Variants in CHD7 observed in about 807,000 individuals in gnomAD.
CHD7 encodes the protein ATP-dependent chromatin remodeler CHD7.
CHD7 carries 24 observed loss-of-function variants against 307.3 expected under a neutral mutation model. The observed-to-expected ratio is 0.08, with a 90% CI of 0.06 to 0.11. CHD7 has a LOEUF of 0.11. CHD7 is among the 10% of genes least tolerant of loss of function. The pLI is 1.00. For missense variants in CHD7, 3,106 were observed against 3,727.1 expected, an observed-to-expected ratio of 0.83 and a Z score of 4.34; for synonymous variants, 1,363 against 1,349.9, an observed-to-expected ratio of 1.01 and a Z score of -0.21.
intron 21 of CHD7, among the ~76,000 whole-genome samples, chr8:60,844,201 G>A (rs528469870): frequency 1.3e-5 from 2 of 152,316 alleles, no homozygotes; most frequent in South Asian, 4.1e-4. Context: ...CACAAAACAG[G>A]CAGTCAGTCC....
chr8:60,759,336 A>T (rs1057499520), intron 2 of CHD7, among the ~76,000 whole-genome samples: 2 of 151,924 alleles, frequency 1.3e-5, no homozygotes, highest in Admixed American at 6.6e-5. Context: ...TTTTGCTCTT[A>T]AGCAAACCTA....
intron 28 of CHD7, among the ~76,000 whole-genome samples, 172 bp downstream of exon 28, chr8:60,851,491 C>T (rs41265250): frequency 6.6e-6 from 1 of 152,158 alleles, no homozygotes; most frequent in Admixed American, 6.5e-5. Context: ...GTTTTCATGA[C>T]ATTGAATTTC....
At chr8:60,740,466 G>A (rs1287385468) in intron 1 of CHD7, among the ~76,000 whole-genome samples, 2 of 152,210 alleles carry the variant, frequency 1.3e-5, no homozygotes, top group Non-Finnish European at 2.9e-5. Context: ...TGGTGATTGG[G>A]CTGCTCTGTG....
intron 16 of CHD7, 62 bp from the exon 17 acceptor site, chr8:60,836,755 A>C: frequency 8.1e-7 from 1 of 1,227,784 alleles, no homozygotes; most frequent in Non-Finnish European, 1.2e-6. Context: ...AAAAATTAAA[A>C]AAAGGAGCAA....
intron 1 of CHD7, among the ~76,000 whole-genome samples, chr8:60,718,548 T>C (rs913406326): frequency 6.6e-6 from 1 of 151,948 alleles, no homozygotes; most frequent in Non-Finnish European, 1.5e-5. Flanking sequence ...ATGAAAAAGC[T>C]TTTGGAATAA....
chr8:60,833,182 G>A (rs112469147), intron 15 of CHD7, among the ~76,000 whole-genome samples: 2,217 of 152,266 alleles, frequency 0.015, 35 homozygotes, highest in Non-Finnish European at 0.019. Flanking sequence ...ATTGGTTGTG[G>A]CAGAGTAAAG....
At position 60,866,689 on chromosome 8, in the gene CHD7, T is replaced by A. The variant is rs1181648348; in HGVS notation, c.*756T>A. 1 of 152,662 alleles carries A rather than the reference T, an allele frequency of 6.6e-6. No individual in the cohort carries two copies. Among genetic ancestry groups the A allele is most frequent in the Non-Finnish European group, 1.5e-5 (1 of 68,056 alleles). 9.5% of individuals were successfully genotyped at this position (152,662 alleles called of 1,614,324 possible). Reference sequence around the variant, plus strand: ...GTACCTTTTTTAAATTAAAGGACTTTGTTACTTTAGCCACAAAGCTAAAAC... The same window carrying A: ...GTACCTTTTTTAAATTAAAGGACTTAGTTACTTTAGCCACAAAGCTAAAAC... On this transcript the variant is annotated 3_prime_UTR_variant, in exon 38 of 38. Transcript: ENST00000423902.
At chr8:60,724,880 G>A (rs1018637183) in intron 1 of CHD7, among the ~76,000 whole-genome samples, 2 of 152,148 alleles carry the variant, frequency 1.3e-5, no homozygotes, top group Admixed American at 6.5e-5. Flanking sequence ...GAAATAGATG[G>A]CCCAGGGCTA....
rs6985168 is a variant in CHD7, at chr8:60,867,730, C to T, written c.*1797C>T. ...ACTGTGAGATTCAGTTCGTTTATGC[C>T]CCAAGATGAAAATATGCCCCTTAAT... On this transcript the variant is annotated 3_prime_UTR_variant, in exon 38 of 38. Coordinates refer to ENST00000423902, the MANE Select transcript of CHD7 (RefSeq NM_017780.4). 0.47 allele frequency: 71,296 copies of T among 151,954 alleles called. 20,228 individuals carry two copies. The highest frequency in any genetic ancestry group is 0.74 in the East Asian group (3,789 of 5,152). The allele number at this position is 151,954 out of a possible 1,614,324, so 9.4% of individuals were successfully genotyped here. A position where few individuals can be genotyped will look rare whatever the true frequency, so the allele number is the denominator to read the frequency against.
At chr8:60,748,421 C>T (rs1809442100) in intron 2 of CHD7, among the ~76,000 whole-genome samples, 1 of 152,148 alleles carries the variant, frequency 6.6e-6, no homozygotes, top group Non-Finnish European at 1.5e-5. Flanking sequence ...GTCCTGGGCC[C>T]ATGGCACTGG....
At chr8:60,690,974 G>T (rs1373245664) in intron 1 of CHD7, among the ~76,000 whole-genome samples, 2 of 152,136 alleles carry the variant, frequency 1.3e-5, no homozygotes, top group Non-Finnish European at 2.9e-5. Flanking sequence ...TCACAGGCTG[G>T]AGTGCAGTGG....
intron 1 of CHD7, among the ~76,000 whole-genome samples, chr8:60,720,556 C>T (rs953746123): frequency 1.3e-5 from 2 of 152,224 alleles, no homozygotes; most frequent in African/African-American, 4.8e-5. Flanking sequence ...AGCCTGTCCT[C>T]TGCACCATTG....
intron 2 of CHD7, among the ~76,000 whole-genome samples, chr8:60,765,286 C>G (rs201764958): frequency 6.9e-6 from 1 of 145,866 alleles, no homozygotes; most frequent in African/African-American, 2.5e-5. Context: ...CACACACACC[C>G]CACACACATA....
chr8:60,828,859 T>C, intron 14 of CHD7, 53 bp downstream of exon 14: 6 of 1,511,944 alleles, frequency 4.0e-6, no homozygotes, highest in East Asian at 2.3e-5. Flanking sequence ...GATTAGCCCA[T>C]GAAATGGCAA....
At chr8:60,819,497 C>A (rs1182805636) in intron 8 of CHD7, among the ~76,000 whole-genome samples, 1 of 152,130 alleles carries the variant, frequency 6.6e-6, no homozygotes, top group Non-Finnish European at 1.5e-5. Flanking sequence ...ACAAATACTA[C>A]CAAACATTAT....
chr8:60,834,064 A>AT (rs1300212653), intron 15 of CHD7, among the ~76,000 whole-genome samples: 4 of 152,014 alleles, frequency 2.6e-5, no homozygotes, highest in East Asian at 1.9e-4. Context: ...GAAAGAATGC[A>AT]TTTTTTTTCT....
At position 60,866,209 on chromosome 8, in the gene CHD7, T is replaced by C. The variant is rs1806237720; in HGVS notation, c.*276T>C. 1 of 278,874 alleles carries C rather than the reference T, an allele frequency of 3.6e-6. No individual in the cohort carries two copies. Among genetic ancestry groups the C allele is most frequent in the Non-Finnish European group, 6.7e-6 (1 of 148,466 alleles). The allele number at this position is 278,874 out of a possible 1,614,324, so 17.3% of individuals were successfully genotyped here. ...TTACATAATGCTCTGCTTTTTTTTT[T>C]TCTCTTGGTACCATTGGTATTATAA... On this transcript the variant is annotated 3_prime_UTR_variant, in exon 38 of 38. Coordinates refer to ENST00000423902, the MANE Select transcript of CHD7 (RefSeq NM_017780.4).
intron 2 of CHD7, among the ~76,000 whole-genome samples, chr8:60,759,314 G>A (rs939035606): frequency 6.6e-5 from 10 of 152,252 alleles, no homozygotes; most frequent in South Asian, 4.1e-4. Context: ...AGAAGGCAGC[G>A]AATGGATTGG....
At chr8:60,746,534 C>A (rs749261932) in intron 2 of CHD7, among the ~76,000 whole-genome samples, 22 of 152,158 alleles carry the variant, frequency 1.4e-4, no homozygotes, top group Non-Finnish European at 2.9e-4. Flanking sequence ...TACCAGGTAT[C>A]AGGGAAGATA....
Sources: gnomAD v4.1 joint callset for allele counts (sites outside exome capture counted in the v4.1 genomes callset) on GRCh38, gnomAD v4.1.1 for gene constraint, MANE v1.5 for transcripts, NCBI Gene and HGNC (gene_info 2026-07-23, HGNC 2026-07-21) for gene names.